Variants in NBEA observed in about 807,000 individuals in gnomAD.
NBEA encodes lysosomal-trafficking regulator 2.
A neutral mutation model predicts 343.4 loss-of-function variants in NBEA; 44 were observed. The observed-to-expected ratio is 0.13, with a 90% CI of 0.10 to 0.16. NBEA has a LOEUF of 0.16. Ranked by LOEUF, NBEA falls within the 10% of genes least tolerant of loss-of-function variation. NBEA has a pLI of 1.00. For synonymous variants in NBEA, 1,175 were observed against 1,238.7 expected, an observed-to-expected ratio of 0.95 and a Z score of 1.08; for missense variants, 2,555 against 3,631.3, an observed-to-expected ratio of 0.70 and a Z score of 7.62.
At chr13:35,099,262 A>G (rs1377477509) in intron 11 of NBEA, among the ~76,000 whole-genome samples, 3 of 137,236 alleles carry the variant, frequency 2.2e-5, no homozygotes, top group Non-Finnish European at 4.6e-5. Flanking sequence ...GCACTGGCTC[A>G]ATCTCGGCTC....
At position 35,391,353 on chromosome 13, in the gene NBEA, A is replaced by G. The variant is rs2042492186; in HGVS notation, c.6179+39030A>G. On this transcript the variant is annotated intron_variant, in intron 38 of 58. Transcript: ENST00000379939. ...AGAGATAATAACTCACTGTAAGAGT[A>G]TACCTAGTTTTCTTTTCTTCATTAC... is the stretch of plus-strand genomic sequence containing the variant. 3.3e-5 allele frequency among the ~76,000 whole-genome samples: 5 copies of G among 152,134 alleles called. No individual in the cohort carries two copies. In the South Asian group the frequency reaches 1.0e-3, roughly 32 times the overall value.
chr13:35,526,746 A>G (rs1424253202), intron 41 of NBEA, among the ~76,000 whole-genome samples: 1 of 152,200 alleles, frequency 6.6e-6, no homozygotes, highest in Non-Finnish European at 1.5e-5. Flanking sequence ...GTGGTGAAGA[A>G]TGTGTGAGCG....
In NBEA at chr13:35,651,839, A is replaced by C; in HGVS notation, c.7998A>C (p.Gln2666His). Residue 2666 changes from glutamine (Q) to histidine (H), a missense_variant, in exon 53 of 59, where the codon CAA becomes CAC. Around this residue, in one of 21 missense-constraint regions of NBEA, gnomAD observed 61 missense variants for 132.1 expected, o/e 0.46. Transcript: ENST00000379939. ...LRGAPGYSLD[Q>H]AHHLPIEMDP... is the part of the protein sequence containing the mutation. ...GAGCTCCAGGATACTCCTTGGATCA[A>C]GCCCACCATCTTCCCATTGAAATGG... 1 of 1,546,896 alleles carries C rather than the reference A, an allele frequency of 6.5e-7. No homozygotes were observed. The highest frequency in any genetic ancestry group is 2.4e-5 in the East Asian group (1 of 40,854).
chr13:35,476,547 A>C, intron 41 of NBEA: 2 of 592,372 alleles, frequency 3.4e-6, no homozygotes, highest in Non-Finnish European at 6.1e-6. Flanking sequence ...CAAAATAAGC[A>C]CCCCTTTCCG....
chr13:35,208,964 T>A, intron 32 of NBEA, 110 bp downstream of exon 32: 1 of 903,228 alleles, frequency 1.1e-6, no homozygotes, highest in Non-Finnish European at 1.6e-6. Flanking sequence ...AAGATTATCT[T>A]AATTTTTAAG....
chr13:35,298,151 A>T (rs1050875113), intron 35 of NBEA, among the ~76,000 whole-genome samples: 1 of 149,212 alleles, frequency 6.7e-6, no homozygotes, highest in African/African-American at 2.5e-5. Context: ...TGTTATTAAA[A>T]ATATATATAG....
intron 38 of NBEA, among the ~76,000 whole-genome samples, chr13:35,407,022 C>A (rs55970615): frequency 0.03 from 4,377 of 148,244 alleles, 184 homozygotes; most frequent in African/African-American, 0.087. Context: ...AGCAGTGGTG[C>A]AATCTCAGCT....
chr13:35,090,993 G>A (rs1370702814), intron 10 of NBEA, among the ~76,000 whole-genome samples: 2 of 151,924 alleles, frequency 1.3e-5, no homozygotes, highest in African/African-American at 4.8e-5. Context: ...GTGCACCAGG[G>A]TGCAGTGAGA....
intron 41 of NBEA, chr13:35,476,906 T>G: frequency 1.4e-6 from 1 of 713,638 alleles, no homozygotes; most frequent in Non-Finnish European, 1.8e-6. Flanking sequence ...GAGGAATCTC[T>G]CAGCTTTGGT....
intron 24 of NBEA, 29 bp downstream of exon 24, chr13:35,164,538 A>C: frequency 6.3e-7 from 1 of 1,591,070 alleles, no homozygotes; most frequent in Non-Finnish European, 8.6e-7. Flanking sequence ...TCTAGTGGTT[A>C]TATTTTATAA....
chr13:35,582,177 T>G (rs1421536234), intron 45 of NBEA, among the ~76,000 whole-genome samples: 2 of 151,940 alleles, frequency 1.3e-5, no homozygotes, highest in African/African-American at 4.8e-5. Flanking sequence ...TCGCAGCTAC[T>G]CGGGAGGCTG....
intron 43 of NBEA, 64 bp downstream of exon 43, chr13:35,551,096 C>A: frequency 1.1e-6 from 1 of 948,202 alleles, no homozygotes; most frequent in Non-Finnish European, 1.6e-6. Flanking sequence ...AATATTACAG[C>A]AATGTAAATG....
At position 35,157,289 on chromosome 13, in the gene NBEA, T is replaced by C; in HGVS notation, c.2844+19T>C. 1 of 1,502,830 alleles carries C rather than the reference T, an allele frequency of 6.7e-7. No individual in the cohort carries two copies. Among genetic ancestry groups the C allele is most frequent in the Non-Finnish European group, 8.9e-7 (1 of 1,118,668 alleles). 93.1% of individuals were successfully genotyped at this position (1,502,830 alleles called of 1,614,324 possible). A position where few individuals can be genotyped will look rare whatever the true frequency, so the allele number is the denominator to read the frequency against. ...TTCCAAGGTAACACGGGATTTAACATTTTAACATCATCAGAGTTATTGCAG... is the reference window on the plus strand; with the variant it reads ...TTCCAAGGTAACACGGGATTTAACACTTTAACATCATCAGAGTTATTGCAG... On this transcript the variant is annotated intron_variant, in intron 21 of 58. Coordinates refer to ENST00000379939, the MANE Select transcript of NBEA (RefSeq NM_001385012.1).
At chr13:35,190,805 G>A (rs541874841) in intron 30 of NBEA, among the ~76,000 whole-genome samples, 17 of 152,218 alleles carry the variant, frequency 1.1e-4, no homozygotes, top group African/African-American at 3.6e-4. Flanking sequence ...CCCTGAGGAA[G>A]CCCAGATACA....
chr13:35,582,913 T>TA (rs2153037770), intron 45 of NBEA, among the ~76,000 whole-genome samples: 1 of 152,346 alleles, frequency 6.6e-6, no homozygotes, highest in Non-Finnish European at 1.5e-5. Flanking sequence ...CTTCTCTTGT[T>TA]AAAATTAAGC....
intron 8 of NBEA, among the ~76,000 whole-genome samples, chr13:35,061,797 T>G (rs910940153): frequency 4.6e-5 from 7 of 151,760 alleles, no homozygotes; most frequent in Admixed American, 1.3e-4. Flanking sequence ...AATAACCATT[T>G]GTAAACTCTG....
chr13:35,390,049 T>A (rs956247277), intron 38 of NBEA, among the ~76,000 whole-genome samples: 2 of 151,134 alleles, frequency 1.3e-5, no homozygotes, highest in South Asian at 4.2e-4. Context: ...GAACATATAT[T>A]TGTATAATAT....
intron 40 of NBEA, among the ~76,000 whole-genome samples, chr13:35,458,640 A>G (rs951685998): frequency 1.3e-5 from 2 of 152,160 alleles, no homozygotes; most frequent in African/African-American, 4.8e-5. Flanking sequence ...GTTTTTTGGT[A>G]TAACTTAATT....
intron 34 of NBEA, among the ~76,000 whole-genome samples, chr13:35,259,664 A>T (rs1232150153): frequency 6.6e-6 from 1 of 152,112 alleles, no homozygotes; most frequent in East Asian, 1.9e-4. Context: ...AATTTTAAAA[A>T]ATATATTATA....
Sources: allele counts gnomAD v4.1 joint callset (sites outside exome capture counted in the v4.1 genomes callset), GRCh38; gene constraint gnomAD v4.1.1; regional missense constraint gnomAD v4.1.1; transcripts MANE v1.5; gene names NCBI Gene and HGNC (gene_info 2026-07-23, HGNC 2026-07-21).